ACACA: variants seen among roughly 807,000 people sequenced by gnomAD.
ACACA encodes acetyl-CoA carboxylase alpha, also known as acetyl-CoA carboxylase 1.
A neutral mutation model predicts 296.1 loss-of-function variants in ACACA; 103 were observed. The ratio of observed to expected loss-of-function variants is 0.35; its 90% CI spans 0.30 to 0.41. ACACA has a LOEUF of 0.41. Among genes scored for constraint, ACACA ranks in the 10% least tolerant of loss-of-function variants. ACACA has a pLI of 1.00. For synonymous variants in ACACA, 953 were observed against 1,038.6 expected, an observed-to-expected ratio of 0.92 and a Z score of 1.58; for missense variants, 1,554 against 2,989.7, an observed-to-expected ratio of 0.52 and a Z score of 11.20.
chr17:37,294,166 C>T (rs2083217923), intron 3 of ACACA, among the ~76,000 whole-genome samples: 1 of 150,406 alleles, frequency 6.6e-6, no homozygotes, highest in Admixed American at 6.6e-5. Context: ...TTTGTATGGG[C>T]TAAGTTAGTA....
Position 37,085,426 on chromosome 17 carries a change from C to T in ACACA, c.*1890G>A, listed in dbSNP as rs558755823. The T allele has an allele frequency of 5.1e-6, 2 of 395,212 alleles. No homozygotes were observed. Among genetic ancestry groups the T allele is most frequent in the South Asian group, 2.9e-4 (2 of 6,980 alleles). The allele number at this position is 395,212 out of a possible 1,614,324, so 24.5% of individuals were successfully genotyped here. ...CTGAAGACATGCCTGGACAGGCCTC[C>T]TGGGGGGTGCAGGACTTCATACCAC... On this transcript the variant is annotated 3_prime_UTR_variant, in exon 56 of 56. Coordinates refer to ENST00000616317, the MANE Select transcript of ACACA (RefSeq NM_198834.3).
At chr17:37,401,686 G>A (rs148966929) in intron 1 of ACACA, among the ~76,000 whole-genome samples, 1 of 151,672 alleles carries the variant, frequency 6.6e-6, no homozygotes, top group Non-Finnish European at 1.5e-5. Flanking sequence ...AGCCTCCCAA[G>A]TAGCTGGGAC....
chr17:37,395,370 C>T (rs536983107), intron 1 of ACACA, among the ~76,000 whole-genome samples: 1 of 147,906 alleles, frequency 6.8e-6, no homozygotes, highest in Non-Finnish European at 1.5e-5. Context: ...ACTGAGGTTG[C>T]GGTGAGCTGA....
At chr17:37,283,074 T>C (rs2254914) in intron 5 of ACACA, among the ~76,000 whole-genome samples, 193 bp downstream of exon 5, 41,130 of 152,110 alleles carry the variant, frequency 0.27, 6,433 homozygotes, top group African/African-American at 0.41. Flanking sequence ...GAATCTGTAT[T>C]GAGGTTGACT....
At chr17:37,230,392 AAAT>A (rs2079802675) in intron 25 of ACACA, among the ~76,000 whole-genome samples, 4 of 4,068 alleles carry the variant, frequency 9.8e-4, no homozygotes, top group Non-Finnish European at 2.0e-3. Context: ...CTCAAAAAAT[AAAT>A]AAATAAATAA....
intron 3 of ACACA, among the ~76,000 whole-genome samples, chr17:37,308,958 CT>C (rs2084006380): frequency 6.6e-6 from 1 of 152,120 alleles, no homozygotes; most frequent in African/African-American, 2.4e-5. Context: ...CTACTATTAT[CT>C]TTTGTGACTG....
At chr17:37,267,724 C>T (rs2081853435) in intron 10 of ACACA, among the ~76,000 whole-genome samples, 1 of 151,566 alleles carries the variant, frequency 6.6e-6, no homozygotes, top group African/African-American at 2.4e-5. Flanking sequence ...ATCTAATATG[C>T]TATAATTTTA....
chr17:37,371,240 T>C, intron 1 of ACACA, among the ~76,000 whole-genome samples: 1 of 151,676 alleles, frequency 6.6e-6, no homozygotes, highest in East Asian at 2.0e-4. Flanking sequence ...CCACCATGCC[T>C]GGCTAATTTT....
chr17:37,338,132 TAAAAC>T (rs1445406038), intron 2 of ACACA, among the ~76,000 whole-genome samples: 14 of 126,688 alleles, frequency 1.1e-4, no homozygotes, highest in African/African-American at 3.7e-4. Context: ...TAAAATAAAA[TAAAAC>T]AAAACTAGAA....
At chr17:37,275,514 GA>G (rs1342087729) in intron 8 of ACACA, among the ~76,000 whole-genome samples, 2 of 123,264 alleles carry the variant, frequency 1.6e-5, no homozygotes, top group East Asian at 2.3e-4. Context: ...AAAAAAAAAA[GA>G]AAAAAAAAGA....
intron 2 of ACACA, among the ~76,000 whole-genome samples, chr17:37,331,064 C>G (rs2047854891): frequency 1.3e-5 from 2 of 151,916 alleles, no homozygotes; most frequent in African/African-American, 2.4e-5. Context: ...GCACGTGCCA[C>G]CATGCCCGGC....
At chr17:37,257,928 T>C in intron 13 of ACACA, 62 bp from the exon 14 acceptor site, 8 of 1,584,666 alleles carry the variant, frequency 5.0e-6, no homozygotes, top group South Asian at 1.1e-5. Flanking sequence ...GATTTATATA[T>C]TCATTGTTTA....
At chr17:37,351,992 G>C (rs906748216) in intron 1 of ACACA, among the ~76,000 whole-genome samples, 4 of 147,644 alleles carry the variant, frequency 2.7e-5, no homozygotes, top group African/African-American at 1.0e-4. Context: ...GTGCAGCGGC[G>C]CAATCTCGGC....
intron 12 of ACACA, 31 bp from the exon 13 acceptor site, chr17:37,258,404 T>C: frequency 1.2e-6 from 2 of 1,609,850 alleles, no homozygotes; most frequent in Non-Finnish European, 1.7e-6. Context: ...CATCTTTAAT[T>C]TTTCAGTTAC....
chr17:37,267,762 TTC>T (rs769050622), intron 10 of ACACA, among the ~76,000 whole-genome samples: 165 of 119,984 alleles, frequency 1.4e-3, no homozygotes, highest in African/African-American at 6.0e-3. Context: ...CTTCTTCTTC[TTC>T]TTTTTTTTTT....
intron 42 of ACACA, among the ~76,000 whole-genome samples, chr17:37,160,750 G>A (rs1272071914): frequency 6.6e-6 from 1 of 152,156 alleles, no homozygotes; most frequent in East Asian, 1.9e-4. Context: ...TGATTATAAT[G>A]ATTAATCAAG....
At chr17:37,373,437 G>A (rs1247229180) in intron 1 of ACACA, among the ~76,000 whole-genome samples, 1 of 152,078 alleles carries the variant, frequency 6.6e-6, no homozygotes, top group Non-Finnish European at 1.5e-5. Context: ...AGTAGAGACA[G>A]GGTTTAACCT....
At position 37,204,308 on chromosome 17, in the gene ACACA, C is replaced by A. The variant is rs78902687; in HGVS notation, c.4056+1457G>T. On this transcript the variant is annotated intron_variant, in intron 33 of 55. Coordinates refer to ENST00000616317, the MANE Select transcript of ACACA (RefSeq NM_198834.3). Reference sequence around the variant, plus strand: ...AACTAGACTATAAGCATCTTCAGGGCTAAGAATGTATTATTTACTAAAGTA... The same window carrying A: ...AACTAGACTATAAGCATCTTCAGGGATAAGAATGTATTATTTACTAAAGTA... Among the ~76,000 whole-genome samples, 120 of 152,260 alleles carry A rather than the reference C, an allele frequency of 7.9e-4. No individual in the cohort carries two copies. In the East Asian group the frequency reaches 0.01, roughly 13 times the overall value.
chr17:37,263,714 T>C lies in ACACA; in HGVS notation c.1300A>G (p.Thr434Ala). 1 of 1,614,038 alleles carries C rather than the reference T, an allele frequency of 6.2e-7. No homozygotes were observed. The highest frequency in any genetic ancestry group is 8.5e-7 in the Non-Finnish European group (1 of 1,179,962). ...IIEEAPATIA[T>A]PAVFEHMEQC... ...TCCATGTGTTCAAATACTGCTGGAG[T>C]AGCAATAGTAGCAGGTGCTTCTTCA... is the stretch of plus-strand genomic sequence containing the variant. Residue 434 changes from threonine (T) to alanine (A), a missense_variant, in exon 11 of 56, where the codon ACT becomes GCT. Around this residue, in one of 16 missense-constraint regions of ACACA, gnomAD observed 82 missense variants for 185.2 expected, o/e 0.44. Coordinates refer to ENST00000616317, the MANE Select transcript of ACACA (RefSeq NM_198834.3).
Sources: gnomAD v4.1 joint callset for allele counts (sites outside exome capture counted in the v4.1 genomes callset) on GRCh38, gnomAD v4.1.1 for gene constraint, gnomAD v4.1.1 regional missense constraint, MANE v1.5 for transcripts, NCBI Gene and HGNC (gene_info 2026-07-23, HGNC 2026-07-21) for gene names.